ACO1: variants seen among roughly 807,000 people sequenced by gnomAD.
ACO1 encodes cytoplasmic aconitate hydratase.
A neutral mutation model predicts 105.1 loss-of-function variants in ACO1; 78 were observed. The observed-to-expected ratio is 0.74, with a 90% CI of 0.62 to 0.90. ACO1 has a LOEUF of 0.90. Ranked by LOEUF, ACO1 falls within the 40% of genes least tolerant of loss-of-function variation. The probability of loss-of-function intolerance (pLI) is 0.00; values close to 1 mark genes in which losing one functional copy is unlikely to be tolerated. For missense variants in ACO1, 965 were observed against 1,111.1 expected (o/e 0.87, Z 1.87); for synonymous variants, 364 against 397.4 (o/e 0.92, Z 1.00).
chr9:32,389,892 G>A (rs1019762462), intron 1 of ACO1, among the ~76,000 whole-genome samples: 14 of 148,130 alleles, frequency 9.5e-5, no homozygotes, highest in East Asian at 2.0e-4. Context: ...TCCACCTCCC[G>A]GGTTCAAGCA....
intron 8 of ACO1, among the ~76,000 whole-genome samples, chr9:32,422,348 G>A (rs1821993745): frequency 6.6e-6 from 1 of 152,212 alleles, no homozygotes. Flanking sequence ...CATGGCATGG[G>A]TTGTAGTGAA....
intron 19 of ACO1, among the ~76,000 whole-genome samples, chr9:32,448,624 T>C (rs1822676978): frequency 1.3e-5 from 2 of 152,312 alleles, no homozygotes; most frequent in East Asian, 3.9e-4. Context: ...TCCTGACCCT[T>C]TGTGCTTCCC....
chr9:32,411,288 A>G (rs1821733477), intron 4 of ACO1, among the ~76,000 whole-genome samples: 1 of 152,256 alleles, frequency 6.6e-6, no homozygotes, highest in Non-Finnish European at 1.5e-5. Flanking sequence ...CAAAACAACT[A>G]TCAGTGGGAG....
intron 13 of ACO1, 95 bp downstream of exon 13, chr9:32,429,598 C>A: frequency 1.8e-6 from 2 of 1,084,412 alleles, no homozygotes; most frequent in Non-Finnish European, 2.8e-6. Flanking sequence ...TCCATGGAAG[C>A]AGGGGATGTG....
rs758927242 is a variant in ACO1, at chr9:32,431,788, T to A, written c.1796T>A (p.Val599Glu). 7 of 1,614,114 alleles carry A rather than the reference T, an allele frequency of 4.3e-6. No individual in the cohort carries two copies. In the Admixed American group the frequency reaches 1.0e-4, roughly 23 times the overall value. Residue 599 changes from valine (V) to glutamate (E), a missense_variant, in exon 15 of 21, where the codon GTG (valine) becomes GAG (glutamate). By Grantham distance (121) the Val-to-Glu change is moderately radical. Transcript: ENST00000309951. The stretch of plus-strand genomic sequence containing the variant: ...CCGACTAGAGACGAGATCCAGGCAG[T>A]GGAGCGTCAGTATGTCATCCCGGGG... ...IWPTRDEIQA[V>E]ERQYVIPGMF...
chr9:32,427,195 G>A (rs1822118886), intron 11 of ACO1, 106 bp from the exon 12 acceptor site: 1 of 1,404,726 alleles, frequency 7.1e-7, no homozygotes, highest in East Asian at 2.5e-5. Flanking sequence ...GTGGTCAGGT[G>A]GTGGCAGGAA....
chr9:32,450,068 A>G lies in ACO1; in HGVS notation c.2627A>G (p.Asn876Ser), dbSNP rs753526223. The G allele has an allele frequency of 3.1e-6, 5 of 1,613,728 alleles. No individual in the cohort carries two copies. The highest frequency in any genetic ancestry group is 3.3e-5 in the Admixed American group (2 of 60,000). ...DTDVELTYFLNGGILNYMIRK... is the reference protein window; with the variant it reads ...DTDVELTYFLSGGILNYMIRK... ...GATGTGGAGCTCACTTATTTCCTCAACGGGGGCATCCTCAACTACATGATC... is the reference window on the plus strand; with the variant it reads ...GATGTGGAGCTCACTTATTTCCTCAGCGGGGGCATCCTCAACTACATGATC... Residue 876 changes from asparagine to serine, a missense_variant, in exon 21 of 21, where the codon AAC becomes AGC. By Grantham distance (46) the Asn-to-Ser change is conservative. Transcript: ENST00000309951.
rs918704566 is a variant in ACO1, at chr9:32,453,806, T to C, written c.*3695T>C. 6.6e-6 allele frequency: 1 copy of C among 152,178 alleles called. No homozygotes were observed. Among genetic ancestry groups the C allele is most frequent in the Non-Finnish European group, 1.5e-5 (1 of 68,032 alleles). 9.4% of individuals were successfully genotyped at this position (152,178 alleles called of 1,614,324 possible). ...TGCCTTCTTAGGACATTATTAAATA[T>C]CATAAACACAAGTGGAATTTAACAC... On this transcript the variant is annotated 3_prime_UTR_variant, in exon 21 of 21. Transcript: ENST00000309951.
intron 20 of ACO1, 63 bp downstream of exon 20, chr9:32,449,144 T>G: frequency 6.7e-7 from 1 of 1,489,794 alleles, no homozygotes; most frequent in Non-Finnish European, 9.0e-7. Context: ...GTAACCAGTC[T>G]TGTTAGAAGG....
chr9:32,390,985 G>A (rs1199486181), intron 1 of ACO1, among the ~76,000 whole-genome samples: 4 of 152,062 alleles, frequency 2.6e-5, no homozygotes, highest in Non-Finnish European at 5.9e-5. Context: ...AGTGATTCTT[G>A]ACTATATTTT....
rs765997549 is a variant in ACO1, at chr9:32,427,167, C to T, written c.1349-134C>T. The T allele has an allele frequency of 1.2e-4, 132 of 1,115,592 alleles. 1 individual carries two copies. Among genetic ancestry groups the T allele is most frequent in the Middle Eastern group, 5.9e-4 (2 of 3,368 alleles). 69.1% of individuals were successfully genotyped at this position (1,115,592 alleles called of 1,614,324 possible). ...GTTTGGCAGCAGAAACAGCAGATAG[C>T]GCCAACATGAAGGGAGCGTGGTCAG... On this transcript the variant is annotated intron_variant, in intron 11 of 20. Transcript: ENST00000309951.
intron 3 of ACO1, 152 bp from the exon 4 acceptor site, chr9:32,408,362 C>T (rs1821660911): frequency 1.2e-6 from 1 of 820,484 alleles, no homozygotes; most frequent in South Asian, 1.9e-5. Flanking sequence ...AGGAAATACG[C>T]TTAGAAACTT....
chr9:32,438,279 A>G (rs1822406407), intron 18 of ACO1, among the ~76,000 whole-genome samples: 1 of 152,244 alleles, frequency 6.6e-6, no homozygotes, highest in African/African-American at 2.4e-5. Flanking sequence ...ACATTCAGAT[A>G]TTCAAAAGCT....
chr9:32,450,441 G>A lies in ACO1; in HGVS notation c.*330G>A. 2.7e-6 allele frequency: 1 copy of A among 367,870 alleles called. No individual in the cohort carries two copies. Among genetic ancestry groups the A allele is most frequent in the Middle Eastern group, 9.6e-4 (1 of 1,040 alleles). The allele number at this position is 367,870 out of a possible 1,614,324, so 22.8% of individuals were successfully genotyped here. On this transcript the variant is annotated 3_prime_UTR_variant, in exon 21 of 21. Transcript: ENST00000309951. ...CACTGTTTCCTATTAATCTTCAGCT[G>A]AACACAAGCAAACCTTCTCAGGAGG...
At chr9:32,403,880 C>G (rs762043709) in intron 1 of ACO1, among the ~76,000 whole-genome samples, 1 of 150,768 alleles carries the variant, frequency 6.6e-6, no homozygotes, top group Non-Finnish European at 1.5e-5. Context: ...TTTATTGTTG[C>G]AGTTGCTACT....
At chr9:32,423,507 T>A in intron 9 of ACO1, 88 bp downstream of exon 9, 1 of 891,024 alleles carries the variant, frequency 1.1e-6, no homozygotes, top group Non-Finnish European at 1.8e-6. Context: ...AATGCGCTAG[T>A]AGGAAATTAG....
intron 19 of ACO1, among the ~76,000 whole-genome samples, chr9:32,443,357 A>AGACATCTGATTT (rs1299200048): frequency 6.6e-6 from 1 of 152,182 alleles, no homozygotes; most frequent in Non-Finnish European, 1.5e-5. Context: ...CTGTGACATT[A>AGACATCTGATTT]GACATCTGAT....
intron 7 of ACO1, among the ~76,000 whole-genome samples, chr9:32,420,510 A>T (rs1554661191): frequency 6.6e-6 from 1 of 152,208 alleles, no homozygotes; most frequent in Non-Finnish European, 1.5e-5. Context: ...AGTACAGAGA[A>T]TTCCTGTTAT....
chr9:32,448,809 G>A, intron 19 of ACO1, 87 bp from the exon 20 acceptor site: 1 of 1,445,672 alleles, frequency 6.9e-7, no homozygotes. Context: ...CGGCCATCAT[G>A]CCAGCTCTCT....
Sources: allele counts gnomAD v4.1 joint callset (sites outside exome capture counted in the v4.1 genomes callset), GRCh38; gene constraint gnomAD v4.1.1; transcripts MANE v1.5; gene names NCBI Gene and HGNC (gene_info 2026-07-23, HGNC 2026-07-21).